The following FNIP2 variants were observed in gnomAD, a reference collection of about 807,000 sequenced individuals.
FNIP2 encodes the protein folliculin-interacting protein 2.
FNIP2 carries 32 observed loss-of-function variants against 108.7 expected under a neutral mutation model. The observed-to-expected ratio is 0.29, with a 90% confidence interval of 0.22 to 0.40. The LOEUF (loss-of-function observed/expected upper bound fraction) is 0.40, where lower values mean the gene tolerates loss of function less well. FNIP2 is among the 10% of genes least tolerant of loss of function. The pLI is 1.00. For synonymous variants in FNIP2, 480 were observed against 496.7 expected (o/e 0.97, Z 0.45); for missense variants, 1,202 against 1,381.6 (o/e 0.87, Z 2.06).
At chr4:158,901,514 C>T (rs1244185291) in intron 16 of FNIP2, among the ~76,000 whole-genome samples, 3 of 152,004 alleles carry the variant, frequency 2.0e-5, no homozygotes, top group Admixed American at 1.3e-4. Context: ...CTCTGTATTT[C>T]CTGAATTTGA....
At chr4:158,788,347 G>A (rs550388453) in intron 1 of FNIP2, among the ~76,000 whole-genome samples, 22 of 152,310 alleles carry the variant, frequency 1.4e-4, no homozygotes, top group South Asian at 1.0e-3. Flanking sequence ...TGACCATGCC[G>A]AATCTGTATT....
At chr4:158,820,211 A>G (rs1246807754) in intron 1 of FNIP2, among the ~76,000 whole-genome samples, 1 of 152,138 alleles carries the variant, frequency 6.6e-6, no homozygotes, top group Non-Finnish European at 1.5e-5. Flanking sequence ...CTCTTTATGT[A>G]AACTTATTTT....
chr4:158,784,546 G>A (rs1249096122), intron 1 of FNIP2, among the ~76,000 whole-genome samples: 4 of 152,232 alleles, frequency 2.6e-5, no homozygotes, highest in Non-Finnish European at 5.9e-5. Context: ...TGCATAATCA[G>A]TGGGAGCCCT....
At chr4:158,887,623 A>G (rs1782084484) in intron 14 of FNIP2, among the ~76,000 whole-genome samples, 1 of 151,220 alleles carries the variant, frequency 6.6e-6, no homozygotes, top group Non-Finnish European at 1.5e-5. Context: ...CTGTAATCCC[A>G]GCTACCCGGA....
chr4:158,786,156 A>G (rs559596713), intron 1 of FNIP2, among the ~76,000 whole-genome samples: 4 of 152,176 alleles, frequency 2.6e-5, no homozygotes, highest in Admixed American at 6.5e-5. Context: ...GGCCCTATCT[A>G]TGACCAGTCT....
intron 1 of FNIP2, among the ~76,000 whole-genome samples, chr4:158,797,187 T>G (rs1776617188): frequency 6.6e-6 from 1 of 152,238 alleles, no homozygotes; most frequent in Non-Finnish European, 1.5e-5. Context: ...TGAGAAACCT[T>G]TAATTATAGC....
chr4:158,888,675 G>A (rs1000563638), intron 14 of FNIP2, among the ~76,000 whole-genome samples: 4 of 152,118 alleles, frequency 2.6e-5, no homozygotes, highest in Non-Finnish European at 5.9e-5. Flanking sequence ...GATCACTTGA[G>A]GCCAGGAGTT....
intron 1 of FNIP2, among the ~76,000 whole-genome samples, chr4:158,824,696 C>T (rs961264122): frequency 1.3e-5 from 2 of 152,226 alleles, no homozygotes; most frequent in African/African-American, 2.4e-5. Context: ...TCTTATCAAG[C>T]GTCTGTTTTC....
intron 14 of FNIP2, among the ~76,000 whole-genome samples, chr4:158,883,674 CAT>C (rs1233244879): frequency 6.6e-6 from 1 of 152,140 alleles, no homozygotes; most frequent in Non-Finnish European, 1.5e-5. Flanking sequence ...CTGTAATACA[CAT>C]GTGGGCTGAG....
intron 1 of FNIP2, among the ~76,000 whole-genome samples, chr4:158,780,032 A>AC (rs1478638157): frequency 6.6e-6 from 1 of 151,048 alleles, no homozygotes; most frequent in Non-Finnish European, 1.5e-5. Flanking sequence ...ACAAAAGGAG[A>AC]CCCCATCTCT....
At chr4:158,790,873 G>T (rs1776391083) in intron 1 of FNIP2, among the ~76,000 whole-genome samples, 1 of 151,630 alleles carries the variant, frequency 6.6e-6, no homozygotes. Flanking sequence ...CACTTTCTTG[G>T]ATTTGTATCT....
At chr4:158,775,593 A>G (rs993820853) in intron 1 of FNIP2, among the ~76,000 whole-genome samples, 4 of 152,088 alleles carry the variant, frequency 2.6e-5, no homozygotes, top group African/African-American at 7.2e-5. Context: ...ATGGAAGGAG[A>G]TGGGCTGGCA....
intron 14 of FNIP2, among the ~76,000 whole-genome samples, chr4:158,881,480 ACG>A (rs1781624878): frequency 6.7e-6 from 1 of 149,346 alleles, no homozygotes; most frequent in Admixed American, 6.7e-5. Context: ...CTCTCTTTCC[ACG>A]GTCTCCCTCT....
chr4:158,822,474 CGTTTT>C (rs779285416), intron 1 of FNIP2, among the ~76,000 whole-genome samples: 1 of 152,020 alleles, frequency 6.6e-6, no homozygotes, highest in Non-Finnish European at 1.5e-5. Flanking sequence ...TGTGCCTGAC[CGTTTT>C]GTTTTGTTTT....
At chr4:158,802,938 G>A (rs1444421487) in intron 1 of FNIP2, among the ~76,000 whole-genome samples, 4 of 152,192 alleles carry the variant, frequency 2.6e-5, no homozygotes, top group African/African-American at 9.7e-5. Flanking sequence ...CATGAGATTG[G>A]AAACAGTACA....
chr4:158,885,233 A>C (rs1366852498), intron 14 of FNIP2, among the ~76,000 whole-genome samples: 1 of 152,058 alleles, frequency 6.6e-6, no homozygotes, highest in African/African-American at 2.4e-5. Context: ...CCATGATCCA[A>C]ACTCCTCCTA....
chr4:158,839,631 A>G (rs1201198053), intron 7 of FNIP2, among the ~76,000 whole-genome samples: 1 of 152,156 alleles, frequency 6.6e-6, no homozygotes, highest in Admixed American at 6.5e-5. Flanking sequence ...CACTCCCAAA[A>G]TAGTGGGGTT....
intron 14 of FNIP2, among the ~76,000 whole-genome samples, chr4:158,886,891 G>C (rs889674272): frequency 3.3e-5 from 5 of 152,134 alleles, no homozygotes; most frequent in African/African-American, 1.2e-4. Flanking sequence ...TTTTTGGTTT[G>C]TTTTTCTAGA....
chr4:158,836,561 GGA>G (rs993653454), intron 7 of FNIP2: 3 of 151,754 alleles, frequency 2.0e-5, no homozygotes, highest in Non-Finnish European at 4.4e-5. Context: ...CAGCACTTTG[GGA>G]AGCCAAAGCG....
Sources: allele counts gnomAD v4.1 joint callset (sites outside exome capture counted in the v4.1 genomes callset), GRCh38; gene constraint gnomAD v4.1.1; transcripts MANE v1.5; gene names NCBI Gene and HGNC (gene_info 2026-07-23, HGNC 2026-07-21).